CYB5R4: variants seen among roughly 807,000 people sequenced by gnomAD.
CYB5R4 encodes the protein cytochrome b5 reductase 4.
A neutral mutation model predicts 70.2 loss-of-function variants in CYB5R4; 55 were observed. That is an observed-to-expected ratio of 0.78 (90% confidence interval 0.63 to 0.98). The LOEUF (loss-of-function observed/expected upper bound fraction) is 0.98, where lower values mean the gene tolerates loss of function less well. Among genes scored for constraint, CYB5R4 ranks in the 50% least tolerant of loss-of-function variants. CYB5R4 has a pLI of 0.00. For synonymous variants in CYB5R4, 197 were observed against 199.5 expected, an observed-to-expected ratio of 0.99 and a Z score of 0.11; for missense variants, 562 against 612.6, an observed-to-expected ratio of 0.92 and a Z score of 0.87.
In CYB5R4 at chr6:83,859,738, G is replaced by C. The variant is rs757851509; in HGVS notation, c.-45G>C. 6.2e-7 allele frequency: 1 copy of C among 1,602,538 alleles called. No individual in the cohort carries two copies. Among genetic ancestry groups the C allele is most frequent in the Non-Finnish European group, 8.5e-7 (1 of 1,172,840 alleles). The stretch of plus-strand genomic sequence containing the variant: ...GAGCCGGAGCTGGAGGTGCTGTCCC[G>C]TCTGGCGGCGATCCCCGGGCAGGGC... On this transcript the variant is annotated 5_prime_UTR_variant, in exon 1 of 16. Coordinates refer to ENST00000369681, the MANE Select transcript of CYB5R4 (RefSeq NM_016230.4).
At chr6:83,909,113 C>CACTTT (rs1562836289) in intron 4 of CYB5R4, 23 bp downstream of exon 4, 1 of 1,595,202 alleles carries the variant, frequency 6.3e-7, no homozygotes, top group East Asian at 2.2e-5. Context: ...GGTGCTAAAC[C>CACTTT]AGCATGGATG....
intron 10 of CYB5R4, among the ~76,000 whole-genome samples, chr6:83,932,726 G>T (rs2129141873): frequency 2.0e-5 from 3 of 152,238 alleles, no homozygotes; most frequent in African/African-American, 7.2e-5. Context: ...TCTATCCAAG[G>T]AGTGGCCAGG....
intron 2 of CYB5R4, among the ~76,000 whole-genome samples, chr6:83,892,424 A>AT (rs1162742929): frequency 2.0e-5 from 3 of 151,478 alleles, no homozygotes; most frequent in Non-Finnish European, 4.4e-5. Flanking sequence ...AGTCCTGGAT[A>AT]TTTAAAAAAA....
At chr6:83,918,955 T>G (rs2129139616) in intron 6 of CYB5R4, among the ~76,000 whole-genome samples, 1 of 152,290 alleles carries the variant, frequency 6.6e-6, no homozygotes, top group Middle Eastern at 3.4e-3. Flanking sequence ...TAGTTTCACT[T>G]TAAGTTTCAC....
intron 2 of CYB5R4, among the ~76,000 whole-genome samples, chr6:83,881,467 A>G (rs771217786): frequency 3.3e-5 from 5 of 152,218 alleles, no homozygotes; most frequent in Middle Eastern, 3.2e-3. Context: ...ATGAGCCACA[A>G]CACCCAGCCT....
At chr6:83,938,105 G>T (rs2099469204) in intron 12 of CYB5R4, among the ~76,000 whole-genome samples, 1 of 152,152 alleles carries the variant, frequency 6.6e-6, no homozygotes, top group African/African-American at 2.4e-5. Context: ...TAATAGATAT[G>T]ATTAGTCATC....
chr6:83,862,220 G>A (rs2099456066), intron 1 of CYB5R4, among the ~76,000 whole-genome samples: 1 of 152,178 alleles, frequency 6.6e-6, no homozygotes, highest in East Asian at 1.9e-4. Flanking sequence ...CTTTTATTCA[G>A]ATCTCACAGA....
intron 4 of CYB5R4, chr6:83,909,997 A>G: frequency 1.3e-6 from 2 of 1,595,548 alleles, no homozygotes; most frequent in South Asian, 1.1e-5. Context: ...ATTATTAAAA[A>G]TGATGGTATT....
intron 3 of CYB5R4, among the ~76,000 whole-genome samples, chr6:83,894,859 G>C (rs1178424471): frequency 6.6e-6 from 1 of 152,142 alleles, no homozygotes; most frequent in Admixed American, 6.6e-5. Context: ...TGAGGAGGAG[G>C]AGGAGAAATA....
At chr6:83,867,831 T>A (rs1277513461) in intron 2 of CYB5R4, among the ~76,000 whole-genome samples, 2 of 152,200 alleles carry the variant, frequency 1.3e-5, no homozygotes, top group Non-Finnish European at 2.9e-5. Flanking sequence ...TGAGTCACTA[T>A]TGTCTGTAAA....
intron 5 of CYB5R4, among the ~76,000 whole-genome samples, chr6:83,916,215 T>A (rs1345491274): frequency 6.6e-6 from 1 of 152,096 alleles, no homozygotes; most frequent in Non-Finnish European, 1.5e-5. Context: ...AGTTCCAATT[T>A]GAGGAAGAGG....
intron 1 of CYB5R4, among the ~76,000 whole-genome samples, chr6:83,863,447 A>C (rs1434447330): frequency 2.6e-5 from 4 of 152,230 alleles, no homozygotes; most frequent in African/African-American, 9.7e-5. Flanking sequence ...ATGATTTCTA[A>C]TAGTCTGTTT....
intron 3 of CYB5R4, among the ~76,000 whole-genome samples, chr6:83,897,710 G>T (rs1308050713): frequency 6.6e-6 from 1 of 152,154 alleles, no homozygotes; most frequent in Non-Finnish European, 1.5e-5. Context: ...AGAAGTGTCT[G>T]TTCATATCCT....
intron 14 of CYB5R4, among the ~76,000 whole-genome samples, chr6:83,943,263 G>A (rs554062801): frequency 3.7e-4 from 57 of 152,262 alleles, no homozygotes; most frequent in Middle Eastern, 3.4e-3. Context: ...TCCAGAGGAA[G>A]GAACAGGCAG....
intron 2 of CYB5R4, among the ~76,000 whole-genome samples, chr6:83,886,419 G>A (rs925014987): frequency 2.6e-5 from 4 of 152,086 alleles, no homozygotes; most frequent in Admixed American, 2.0e-4. Flanking sequence ...ATAAAATGTG[G>A]TATATCCATA....
In CYB5R4 at chr6:83,877,709, A is replaced by G. The variant is rs1588561283; in HGVS notation, c.229+13381A>G. Among the ~76,000 whole-genome samples the G allele has an allele frequency of 5.9e-5, 9 of 152,292 alleles. No individual in the cohort carries two copies. The South Asian group carries it at 1.9e-3, about 32-fold the overall frequency. On this transcript the variant is annotated intron_variant, in intron 2 of 15. Transcript: ENST00000369681. The stretch of plus-strand genomic sequence containing the variant: ...CCTCCCATTAGGCCTCACCTCCAAC[A>G]CTGGGGATCAAATTTCAACATGAAG...
At chr6:83,937,361 C>T (rs1033983370) in intron 12 of CYB5R4, among the ~76,000 whole-genome samples, 2 of 152,114 alleles carry the variant, frequency 1.3e-5, no homozygotes, top group African/African-American at 4.8e-5. Context: ...CTGAAACCCT[C>T]AATAACTAAC....
At position 83,902,841 on chromosome 6, in the gene CYB5R4, C is replaced by T. The variant is rs566864436; in HGVS notation, c.331-6168C>T. The stretch of plus-strand genomic sequence containing the variant: ...TCTTTTTCAGCTATTTTATTATTGG[C>T]GTATAGAAACACTGCTGAGTTTTGT... On this transcript the variant is annotated intron_variant, in intron 3 of 15. Coordinates refer to ENST00000369681, the MANE Select transcript of CYB5R4 (RefSeq NM_016230.4). Among the ~76,000 whole-genome samples the T allele has an allele frequency of 4.5e-4, 69 of 151,970 alleles. 1 individual carries two copies. The highest frequency in any genetic ancestry group is 3.2e-3 in the Admixed American group (49 of 15,256).
intron 2 of CYB5R4, among the ~76,000 whole-genome samples, chr6:83,892,078 T>C (rs2099461201): frequency 6.6e-6 from 1 of 152,128 alleles, no homozygotes; most frequent in African/African-American, 2.4e-5. Context: ...TTTTGGAGCA[T>C]TAAACAATGG....
Sources: allele counts gnomAD v4.1 joint callset (sites outside exome capture counted in the v4.1 genomes callset), GRCh38; gene constraint gnomAD v4.1.1; transcripts MANE v1.5; gene names NCBI Gene and HGNC (gene_info 2026-07-23, HGNC 2026-07-21).